VRK2: variants seen among roughly 807,000 people sequenced by gnomAD.
VRK2 encodes serine/threonine-protein kinase VRK2.
Under a neutral mutation model 57.6 loss-of-function variants are expected in VRK2, and 60 were observed. The ratio of observed to expected loss-of-function variants is 1.04; its 90% CI spans 0.85 to 1.29. VRK2 has a LOEUF of 1.29. VRK2 is among the 50% of genes most tolerant of loss of function. The pLI is 0.00. For synonymous variants in VRK2, 231 were observed against 199.2 expected (o/e 1.16, Z -1.35); for missense variants, 705 against 588.1 (o/e 1.20, Z -2.06).
chr2:58,095,712 A>C (rs942052941), intron 7 of VRK2, among the ~76,000 whole-genome samples: 3 of 152,130 alleles, frequency 2.0e-5, no homozygotes, highest in Non-Finnish European at 2.9e-5. Context: ...AAGTAGATAC[A>C]GTAGTTTTTC....
chr2:57,944,976 G>C (rs72808464), intron 1 of VRK2, among the ~76,000 whole-genome samples: 14,100 of 152,056 alleles, frequency 0.093, 690 homozygotes, highest in East Asian at 0.17. Flanking sequence ...AGACTCCGTT[G>C]TTACAGCCAA....
chr2:57,947,457 A>T (rs1671296848), intron 1 of VRK2, among the ~76,000 whole-genome samples: 1 of 152,200 alleles, frequency 6.6e-6, no homozygotes, highest in African/African-American at 2.4e-5. Flanking sequence ...TCACAAACTT[A>T]TGGGTAATTT....
Position 58,146,387 on chromosome 2 carries a change from C to T in VRK2, c.1095C>T (p.His365=), listed in dbSNP as rs1378147391. 1.2e-6 allele frequency: 2 copies of T among 1,611,644 alleles called. No individual in the cohort carries two copies. Among genetic ancestry groups the T allele is most frequent in the Non-Finnish European group, 8.5e-7 (1 of 1,178,390 alleles). Residue 365 remains histidine (H), a synonymous_variant, in exon 12 of 13, where the codon CAC becomes CAT. Coordinates refer to ENST00000340157, the MANE Select transcript of VRK2 (RefSeq NM_006296.7). ...ATAGGTTAATCGAAAAAAAAGTCCACAGTGAGAGAAGCGCTGAGTCCTGTG... is the reference window on the plus strand; with the variant it reads ...ATAGGTTAATCGAAAAAAAAGTCCATAGTGAGAGAAGCGCTGAGTCCTGTG... ...AHNRLIEKKV[H]SERSAESCAT...
chr2:58,134,603 G>A lies in VRK2; in HGVS notation c.798-538G>A, dbSNP rs574375062. ...TCCGCAGTCCGGCCTGGGCGACAGA[G>A]CGAGACTCCGTCTCAAAAAAAAAAA... On this transcript the variant is annotated intron_variant, in intron 9 of 12. Transcript: ENST00000340157. Among the ~76,000 whole-genome samples, 15 of 137,922 alleles carry A rather than the reference G, an allele frequency of 1.1e-4. No homozygotes were observed. In the South Asian group the frequency reaches 1.3e-3, roughly 12 times the overall value. The allele number at this position is 137,922 out of a possible 152,430, so 90.5% of individuals were successfully genotyped here.
At chr2:58,106,551 A>C (rs1415842561) in intron 7 of VRK2, among the ~76,000 whole-genome samples, 1 of 152,050 alleles carries the variant, frequency 6.6e-6, no homozygotes, top group East Asian at 1.9e-4. Flanking sequence ...GCAGTAATAG[A>C]GGCACAGCTT....
chr2:58,007,474 G>A (rs967209991), intron 1 of VRK2, among the ~76,000 whole-genome samples: 6 of 150,834 alleles, frequency 4.0e-5, no homozygotes, highest in African/African-American at 1.2e-4. Context: ...CCTACATAAC[G>A]TAAAGATGAC....
At chr2:57,913,818 T>G (rs531922392) in intron 1 of VRK2, among the ~76,000 whole-genome samples, 3 of 152,228 alleles carry the variant, frequency 2.0e-5, no homozygotes, top group South Asian at 2.1e-4. Context: ...AAAAAAATAC[T>G]GTTTCTATAT....
intron 1 of VRK2, among the ~76,000 whole-genome samples, chr2:57,976,382 T>C (rs2104034584): frequency 6.6e-6 from 1 of 152,232 alleles, no homozygotes; most frequent in African/African-American, 2.4e-5. Context: ...ACCAGCAGAG[T>C]ATAAGTATTC....
intron 2 of VRK2, among the ~76,000 whole-genome samples, chr2:58,054,189 T>G (rs1252189407): frequency 6.6e-6 from 1 of 152,154 alleles, no homozygotes; most frequent in African/African-American, 2.4e-5. Flanking sequence ...GACTTGGCTT[T>G]TGCTTGGCTT....
At chr2:57,980,108 A>G (rs1672376047) in intron 1 of VRK2, among the ~76,000 whole-genome samples, 1 of 151,926 alleles carries the variant, frequency 6.6e-6, no homozygotes, top group Admixed American at 6.6e-5. Context: ...TTTTTCAAGT[A>G]CCTCTAGATG....
chr2:58,086,350 A>G lies in VRK2; in HGVS notation c.268A>G (p.Ile90Val). The change falls in exon 5 of 13, where the codon ATA (isoleucine) becomes GTA (valine). Residue 90 changes from isoleucine to valine, a missense_variant. By Grantham distance (29) the Ile-to-Val change is conservative (BLOSUM62 3). Coordinates refer to ENST00000340157, the MANE Select transcript of VRK2 (RefSeq NM_006296.7). ...ATTTGTCTTTGTAGTCAAAAAGTGG[A>G]TAGAACGCAAACAACTTGATTATTT... ...VAKKDCIKKW[I>V]ERKQLDYLGI... 1 of 1,603,830 alleles carries G rather than the reference A, an allele frequency of 6.2e-7. No individual in the cohort carries two copies. The highest frequency in any genetic ancestry group is 8.5e-7 in the Non-Finnish European group (1 of 1,177,130).
chr2:57,958,928 T>C (rs182084697), intron 1 of VRK2, among the ~76,000 whole-genome samples: 37 of 152,300 alleles, frequency 2.4e-4, no homozygotes, highest in African/African-American at 8.4e-4. Flanking sequence ...ATAGTATTAG[T>C]TGACAGTCTG....
chr2:57,940,471 C>A (rs141667309), intron 1 of VRK2, among the ~76,000 whole-genome samples: 2 of 152,214 alleles, frequency 1.3e-5, no homozygotes, highest in South Asian at 2.1e-4. Context: ...TCTGGAAACA[C>A]CCTCACAGAC....
chr2:58,120,005 G>C (rs1263823881), intron 7 of VRK2, among the ~76,000 whole-genome samples: 2 of 151,722 alleles, frequency 1.3e-5, no homozygotes, highest in East Asian at 3.9e-4. Context: ...TCATTGGTTG[G>C]AAAACAGCAA....
At chr2:58,013,275 G>C (rs1307667130) in intron 1 of VRK2, among the ~76,000 whole-genome samples, 1 of 152,202 alleles carries the variant, frequency 6.6e-6, no homozygotes, top group East Asian at 1.9e-4. Flanking sequence ...ATTTGCAGAA[G>C]GCATTTATGT....
At chr2:58,082,085 A>G (rs1187639595) in intron 2 of VRK2, among the ~76,000 whole-genome samples, 2 of 151,748 alleles carry the variant, frequency 1.3e-5, no homozygotes, top group Non-Finnish European at 1.5e-5. Flanking sequence ...AGACCCTCCA[A>G]TATAATCTGA....
rs184919193 is a variant in VRK2, at chr2:58,102,570, A to G, written c.543+12847A>G. ...ACAAGAGGCTATACCAGTCGTAAATATACATGCCCTGAACTCAGGAGCAGC... is the reference window on the plus strand; with the variant it reads ...ACAAGAGGCTATACCAGTCGTAAATGTACATGCCCTGAACTCAGGAGCAGC... On this transcript the variant is annotated intron_variant, in intron 7 of 12. Transcript: ENST00000340157. 2.0e-3 allele frequency among the ~76,000 whole-genome samples: 309 copies of G among 151,654 alleles called. 1 individual carries two copies. Among genetic ancestry groups the G allele is most frequent in the South Asian group, 6.8e-3 (33 of 4,822 alleles).
At chr2:57,922,389 GT>G (rs942757501) in intron 1 of VRK2, among the ~76,000 whole-genome samples, 9 of 151,276 alleles carry the variant, frequency 5.9e-5, no homozygotes, top group Non-Finnish European at 8.9e-5. Context: ...TTAAATATAT[GT>G]ATATGTTGTG....
intron 3 of VRK2, among the ~76,000 whole-genome samples, chr2:58,039,513 CA>C (rs1674378706): frequency 6.6e-6 from 1 of 152,040 alleles, no homozygotes; most frequent in South Asian, 2.1e-4. Flanking sequence ...CTTTTTATTT[CA>C]ATATGAATTT....
Sources: gnomAD v4.1 joint callset for allele counts (sites outside exome capture counted in the v4.1 genomes callset) on GRCh38, gnomAD v4.1.1 for gene constraint, MANE v1.5 for transcripts, NCBI Gene and HGNC (gene_info 2026-07-23, HGNC 2026-07-21) for gene names.